Variants in ACVR2B observed in about 807,000 individuals in gnomAD.
The protein encoded by ACVR2B is activin receptor type-2B.
Under a neutral mutation model 65.1 loss-of-function variants are expected in ACVR2B, and 18 were observed. That is an observed-to-expected ratio of 0.28 (90% confidence interval 0.19 to 0.41). The LOEUF is 0.41. Ranked by LOEUF, ACVR2B falls within the 10% of genes least tolerant of loss-of-function variation. ACVR2B has a pLI of 1.00. For synonymous variants in ACVR2B, 298 were observed against 277.7 expected (o/e 1.07, Z -0.73); for missense variants, 482 against 682.7 (o/e 0.71, Z 3.28).
chr3:38,483,420 C>T lies in ACVR2B; in HGVS notation c.*88C>T. On this transcript the variant is annotated 3_prime_UTR_variant, in exon 11 of 11. Transcript: ENST00000352511. This position sits in a 1 kb window ranked among gnomAD's most constrained non-coding sequence, Gnocchi z 4.8. Reference sequence around the variant, plus strand: ...GTTTTGTTTTGGAAATCCCATAAAACCAACAAACACATAAAATGCAGCTGC... The same window carrying T: ...GTTTTGTTTTGGAAATCCCATAAAATCAACAAACACATAAAATGCAGCTGC... The T allele has an allele frequency of 7.9e-7, 1 of 1,264,470 alleles. No homozygotes were observed. The highest frequency in any genetic ancestry group is 1.1e-6 in the Non-Finnish European group (1 of 873,500). The allele number at this position is 1,264,470 out of a possible 1,614,324, so 78.3% of individuals were successfully genotyped here. A position where few individuals can be genotyped will look rare whatever the true frequency, so the allele number is the denominator to read the frequency against.
chr3:38,466,294 C>T (rs563754680), intron 1 of ACVR2B, among the ~76,000 whole-genome samples: 122 of 131,698 alleles, frequency 9.3e-4, no homozygotes, highest in African/African-American at 2.8e-3. Context: ...TCTGTTGCAC[C>T]GTAGGGTGCT....
Position 38,459,515 on chromosome 3 carries a change from A to T in ACVR2B, c.52+5141A>T, listed in dbSNP as rs116356062. ...CCCTCTCTGCTCACCTGGGGGCCTC[A>T]GGAGCTAAGGCTAGCCCTGTCTGCC... On this transcript the variant is annotated intron_variant, in intron 1 of 10. Coordinates refer to ENST00000352511, the MANE Select transcript of ACVR2B (RefSeq NM_001106.4). The T allele has an allele frequency of 7.8e-4, 707 of 905,990 alleles. 5 individuals carry two copies. The African/African-American group carries it at 0.012, about 15-fold the overall frequency. The allele number at this position is 905,990 out of a possible 1,614,324, so 56.1% of individuals were successfully genotyped here.
intron 1 of ACVR2B, among the ~76,000 whole-genome samples, chr3:38,469,914 T>G (rs1239577239): frequency 6.6e-6 from 1 of 151,480 alleles, no homozygotes; most frequent in Non-Finnish European, 1.5e-5. Flanking sequence ...GACCAGGAAG[T>G]TTTTTTTTAA....
rs2059815385 is a variant in ACVR2B at position 38,492,132 on chromosome 3, A to G, written c.*8800A>G. The G allele has an allele frequency of 6.6e-6, 1 of 152,558 alleles. No individual in the cohort carries two copies. Among genetic ancestry groups the G allele is most frequent in the African/African-American group, 2.4e-5 (1 of 41,474 alleles). The allele number at this position is 152,558 out of a possible 1,614,324, so 9.5% of individuals were successfully genotyped here. A position where few individuals can be genotyped will look rare whatever the true frequency, so the allele number is the denominator to read the frequency against. On this transcript the variant is annotated 3_prime_UTR_variant, in exon 11 of 11. Transcript: ENST00000352511. ...ACAGCAAAGGACAAAATTTGCAGGA[A>G]CAGTTTTGGAACCAACAGAAAATGT...
intron 1 of ACVR2B, among the ~76,000 whole-genome samples, chr3:38,470,232 T>A (rs1335541470): frequency 1.3e-5 from 2 of 152,192 alleles, no homozygotes; most frequent in African/African-American, 4.8e-5. Context: ...ATCATTAGAC[T>A]AAAGGCATAG....
At chr3:38,474,482 C>T (rs1709873136) in intron 1 of ACVR2B, 1 of 152,290 alleles carries the variant, frequency 6.6e-6, no homozygotes, top group African/African-American at 2.4e-5. Context: ...CCCTTCTGTC[C>T]TTCTGTCTGT....
chr3:38,467,371 A>AGGC (rs1432274894), intron 1 of ACVR2B, among the ~76,000 whole-genome samples: 1 of 151,720 alleles, frequency 6.6e-6, no homozygotes, highest in Admixed American at 6.6e-5. Context: ...CGAACATGGG[A>AGGC]GGCGGAAGTT....
rs377585519 is a variant in ACVR2B, at chr3:38,477,984, G to A, written c.370+14G>A. The A allele has an allele frequency of 1.6e-4, 254 of 1,613,452 alleles. No individual in the cohort carries two copies. In the African/African-American group the frequency reaches 3.1e-3, roughly 20 times the overall value. ...GGGGCCCGGAAGGTAAGGGGGCAGT[G>A]TGGAAGTGGGGCCTTGAGTCAGCCG... On this transcript the variant is annotated intron_variant, in intron 3 of 10. Transcript: ENST00000352511. The surrounding 1 kb of genome is among the most constrained non-coding windows in gnomAD (Gnocchi z 6.7).
intron 1 of ACVR2B, among the ~76,000 whole-genome samples, chr3:38,458,584 C>G (rs570243805): frequency 5.8e-4 from 89 of 152,292 alleles, no homozygotes; most frequent in African/African-American, 2.1e-3. Context: ...CCTGGTCTCT[C>G]TTTCCAGAAA....
At position 38,484,244 on chromosome 3, in the gene ACVR2B, T is replaced by C. The variant is rs1423455786; in HGVS notation, c.*912T>C. On this transcript the variant is annotated 3_prime_UTR_variant, in exon 11 of 11. Coordinates refer to ENST00000352511, the MANE Select transcript of ACVR2B (RefSeq NM_001106.4). ...ATTTTTTCTGCCCTAATTTTAAAAC[T>C]AGGTGAGGGTAGAATCATCACAGGT... The C allele has an allele frequency of 6.6e-6, 1 of 152,260 alleles. No individual in the cohort carries two copies. The highest frequency in any genetic ancestry group is 1.5e-5 in the Non-Finnish European group (1 of 68,040). 9.4% of individuals were successfully genotyped at this position (152,260 alleles called of 1,614,324 possible).
rs372870404 is a variant in ACVR2B, at chr3:38,478,327, G to C, written c.522+35G>C. ...TGCTGGCTTGGGGCAGGGCAGGATA[G>C]AGGTGGGGAGGACAGGCCAGACCTT... On this transcript the variant is annotated intron_variant, in intron 4 of 10. Coordinates refer to ENST00000352511, the MANE Select transcript of ACVR2B (RefSeq NM_001106.4). 253 of 1,614,140 alleles carry C rather than the reference G, an allele frequency of 1.6e-4. 1 individual carries two copies. In the African/African-American group the frequency reaches 2.9e-3, roughly 19 times the overall value.
rs34204940 is a variant in ACVR2B, at chr3:38,487,512, G to GT, written c.*4185dup. 6.6e-6 allele frequency: 1 copy of GT among 152,304 alleles called. No homozygotes were observed. The highest frequency in any genetic ancestry group is 2.4e-5 in the African/African-American group (1 of 41,444). 9.4% of individuals were successfully genotyped at this position (152,304 alleles called of 1,614,324 possible). On this transcript the variant is annotated 3_prime_UTR_variant, in exon 11 of 11. Coordinates refer to ENST00000352511, the MANE Select transcript of ACVR2B (RefSeq NM_001106.4). ...TTTGTGTGCTCGGGCTGTGTGTGGG[G>GT]TTTTTCCCTGGTGGAAGGAAGCCCA...
At chr3:38,463,207 A>G (rs562040847) in intron 1 of ACVR2B, among the ~76,000 whole-genome samples, 16 of 152,264 alleles carry the variant, frequency 1.1e-4, no homozygotes, top group African/African-American at 3.9e-4. Context: ...ATGGAAGTGC[A>G]TATGTATGTT....
In ACVR2B at chr3:38,485,238, TGAC is replaced by T. The variant is rs1315954859; in HGVS notation, c.*1907_*1909del. 2 of 152,226 alleles carry T rather than the reference TGAC, an allele frequency of 1.3e-5. No individual in the cohort carries two copies. The highest frequency in any genetic ancestry group is 4.8e-5 in the African/African-American group (2 of 41,448). The allele number at this position is 152,226 out of a possible 1,614,324, so 9.4% of individuals were successfully genotyped here. ...TAACTTGATCGGTCAGTGTTCAGAA[TGAC>T]AAGTAACCCCGCTTAAACTTGGTAG... On this transcript the variant is annotated 3_prime_UTR_variant, in exon 11 of 11. Transcript: ENST00000352511.
rs192550093 is a variant in ACVR2B at position 38,456,996 on chromosome 3, A to G, written c.52+2622A>G. Among the ~76,000 whole-genome samples the G allele has an allele frequency of 7.2e-5, 11 of 152,256 alleles. No individual in the cohort carries two copies. The East Asian group carries it at 1.7e-3, about 24-fold the overall frequency. On this transcript the variant is annotated intron_variant, in intron 1 of 10. Coordinates refer to ENST00000352511, the MANE Select transcript of ACVR2B (RefSeq NM_001106.4). ...CTGAGGTGGGAGGATCACGAGGTCA[A>G]GAGATCGAGACCATCCTGGCCAACG...
At position 38,487,664 on chromosome 3, in the gene ACVR2B, C is replaced by T. The variant is rs1317325985; in HGVS notation, c.*4332C>T. 6.6e-6 allele frequency: 1 copy of T among 152,128 alleles called. No homozygotes were observed. The highest frequency in any genetic ancestry group is 2.4e-5 in the African/African-American group (1 of 41,416). The allele number at this position is 152,128 out of a possible 1,614,324, so 9.4% of individuals were successfully genotyped here. A position where few individuals can be genotyped will look rare whatever the true frequency, so the allele number is the denominator to read the frequency against. ...TAAAGTGGGAGTATTGGATGGCCCT[C>T]TTGAAACTAGAATTTTGCCTTTTTT... is the stretch of plus-strand genomic sequence containing the variant. On this transcript the variant is annotated 3_prime_UTR_variant, in exon 11 of 11. Transcript: ENST00000352511.
intron 1 of ACVR2B, chr3:38,475,367 GTCAGGAGGCCATGCATTT>G: frequency 6.6e-6 from 1 of 152,410 alleles, no homozygotes; most frequent in East Asian, 1.9e-4. Flanking sequence ...TGACTGACTG[GTCAGGAGGCCATGCATTT>G]TCCTTTCACA....
intron 7 of ACVR2B, 146 bp downstream of exon 7, chr3:38,479,972 C>T: frequency 8.7e-7 from 1 of 1,147,896 alleles, no homozygotes; most frequent in Non-Finnish European, 1.2e-6. Flanking sequence ...GGCACAAAAC[C>T]TGGCCTTCCC....
intron 10 of ACVR2B, among the ~76,000 whole-genome samples, chr3:38,482,800 G>A (rs143487706): frequency 8.1e-4 from 123 of 152,270 alleles, no homozygotes; most frequent in Middle Eastern, 6.8e-3. Context: ...CTTCCAATAA[G>A]ATTTTGTTTG....
Sources: allele counts gnomAD v4.1 joint callset (sites outside exome capture counted in the v4.1 genomes callset), GRCh38; gene constraint gnomAD v4.1.1; non-coding constraint Gnocchi (gnomAD v3.1); transcripts MANE v1.5; gene names NCBI Gene and HGNC (gene_info 2026-07-23, HGNC 2026-07-21).